XRCC1: variants seen among roughly 807,000 people sequenced by gnomAD.
XRCC1 encodes X-ray repair cross complementing 1.
Under a neutral mutation model 83.3 loss-of-function variants are expected in XRCC1, and 52 were observed. The observed-to-expected ratio is 0.62, with a 90% CI of 0.50 to 0.79. The LOEUF is 0.79. Among genes scored for constraint, XRCC1 ranks in the 30% least tolerant of loss-of-function variants. The pLI, the probability that XRCC1 is intolerant of heterozygous loss-of-function variation, is 0.00. For synonymous variants in XRCC1, 281 were observed against 312.6 expected (o/e 0.90, Z 1.07); for missense variants, 793 against 823.5 (o/e 0.96, Z 0.45).
chr19:43,568,286 C>A (rs996121944), intron 2 of XRCC1, among the ~76,000 whole-genome samples: 1 of 151,774 alleles, frequency 6.6e-6, no homozygotes, highest in African/African-American at 2.4e-5. Context: ...CACTTGAGGT[C>A]AGGAATTCAA....
intron 10 of XRCC1, among the ~76,000 whole-genome samples, chr19:43,548,550 T>G (rs376444689): frequency 6.6e-6 from 1 of 152,252 alleles, no homozygotes; most frequent in South Asian, 2.1e-4. Context: ...AAGATGTGCT[T>G]TGTTAAACAG....
chr19:43,564,890 C>G (rs556891612), intron 2 of XRCC1, among the ~76,000 whole-genome samples: 1 of 152,232 alleles, frequency 6.6e-6, no homozygotes, highest in South Asian at 2.1e-4. Flanking sequence ...TGCGGCAGGG[C>G]TGCATTCCTT....
At chr19:43,563,871 A>G (rs1972725981) in intron 2 of XRCC1, among the ~76,000 whole-genome samples, 2 of 152,086 alleles carry the variant, frequency 1.3e-5, no homozygotes, top group South Asian at 4.1e-4. Flanking sequence ...TTTGTCTAGC[A>G]TCTGTCTCTC....
At chr19:43,559,397 G>A (rs1338399713) in intron 3 of XRCC1, among the ~76,000 whole-genome samples, 9 of 145,676 alleles carry the variant, frequency 6.2e-5, no homozygotes, top group Non-Finnish European at 3.0e-5. Flanking sequence ...GCAGAATGGC[G>A]TGAACCCGGG....
intron 2 of XRCC1, 55 bp downstream of exon 2, chr19:43,574,855 C>T: frequency 6.7e-7 from 1 of 1,481,482 alleles, no homozygotes; most frequent in Non-Finnish European, 9.4e-7. Flanking sequence ...GGAGCAGAAT[C>T]TGGAACCCCG....
At position 43,575,020 on chromosome 19, in the gene XRCC1, A is replaced by C. The variant is rs1568520495; in HGVS notation, c.52-18T>G. 6.2e-7 allele frequency: 1 copy of C among 1,601,354 alleles called. No individual in the cohort carries two copies. The highest frequency in any genetic ancestry group is 1.7e-5 in the Admixed American group (1 of 59,958). On this transcript the variant is annotated intron_variant, in intron 1 of 16. Coordinates refer to ENST00000262887, the MANE Select transcript of XRCC1 (RefSeq NM_006297.3). ...CAGTGAGTCTGGAAACAACAGTGGG[A>C]GAGGAGAATTAGGGCACAGAGATGA...
intron 8 of XRCC1, 82 bp from the exon 9 acceptor site, chr19:43,552,357 G>A (rs1972587315): frequency 1.1e-5 from 12 of 1,071,366 alleles, no homozygotes; most frequent in South Asian, 1.5e-5. Context: ...CAGCAGTCCA[G>A]GCCCCAGACC....
chr19:43,561,033 A>G lies in XRCC1; in HGVS notation c.145-13T>C. 6.2e-7 allele frequency: 1 copy of G among 1,605,444 alleles called. No homozygotes were observed. The highest frequency in any genetic ancestry group is 1.1e-5 in the South Asian group (1 of 90,934). ...CCTCCTTCTCCAACTGTGGGCAGAGAGAGAGGCCACTGTCAGTGCCTGCTC... is the reference window on the plus strand; with the variant it reads ...CCTCCTTCTCCAACTGTGGGCAGAGGGAGAGGCCACTGTCAGTGCCTGCTC... On this transcript the variant is annotated splice_polypyrimidine_tract_variant and intron_variant, in intron 2 of 16. Coordinates refer to ENST00000262887, the MANE Select transcript of XRCC1 (RefSeq NM_006297.3).
intron 2 of XRCC1, among the ~76,000 whole-genome samples, chr19:43,564,907 G>A (rs752436361): frequency 2.6e-5 from 4 of 152,086 alleles, no homozygotes; most frequent in Non-Finnish European, 5.9e-5. Flanking sequence ...CCTTCCTTCC[G>A]GGAGCACTAG....
intron 2 of XRCC1, among the ~76,000 whole-genome samples, chr19:43,564,225 T>C (rs1416916813): frequency 6.6e-6 from 1 of 152,214 alleles, no homozygotes; most frequent in Admixed American, 6.5e-5. Flanking sequence ...CTCTACTGCA[T>C]TCCCAATGGA....
chr19:43,543,341 C>CTCGT lies in XRCC1; in HGVS notation c.*50_*51insACGA. ...ACCAACTCATCTTTATTAAATGCAT[C>CTCGT]GTGTGTGTGTGTGTGTGTGTGTGTG... On this transcript the variant is annotated 3_prime_UTR_variant, in exon 17 of 17. Transcript: ENST00000262887. The CTCGT allele has an allele frequency of 9.6e-7, 1 of 1,043,318 alleles. No individual in the cohort carries two copies. Among genetic ancestry groups the CTCGT allele is most frequent in the Non-Finnish European group, 1.4e-6 (1 of 699,876 alleles). 64.6% of individuals were successfully genotyped at this position (1,043,318 alleles called of 1,614,324 possible).
rs2146052460 is a variant in XRCC1 at position 43,553,449 on chromosome 19, G to C, written c.553C>G (p.Leu185Val). Residue 185 changes from leucine (L) to valine (V), a missense_variant, in exon 6 of 17, where the codon CTG becomes GTG. Coordinates refer to ENST00000262887, the MANE Select transcript of XRCC1 (RefSeq NM_006297.3). ...VKEEDESANS[L>V]RPGALFFSRI... ...CTGAAGAAGAGAGCCCCCGGCCTCA[G>C]AGAGTTGGCGCTCTCATCCTCCTCC... is the stretch of plus-strand genomic sequence containing the variant. 1.9e-6 allele frequency: 3 copies of C among 1,614,210 alleles called. No homozygotes were observed. The highest frequency in any genetic ancestry group is 2.5e-6 in the Non-Finnish European group (3 of 1,180,040).
In XRCC1 at chr19:43,543,463, A is replaced by G; in HGVS notation, c.1831T>C (p.Trp611Arg). 6.2e-7 allele frequency: 1 copy of G among 1,613,570 alleles called. No individual in the cohort carries two copies. The highest frequency in any genetic ancestry group is 1.1e-5 in the South Asian group (1 of 91,050). ...NPSLAFVRPR[W>R]IYSCNEKQKL... Reference sequence around the variant, plus strand: ...TGCTTCTCATTGCAACTGTAGATCCATCGGGGACGAACGAATGCCAGGGAG... The same window carrying G: ...TGCTTCTCATTGCAACTGTAGATCCGTCGGGGACGAACGAATGCCAGGGAG... Residue 611 changes from tryptophan to arginine, a missense_variant, in exon 17 of 17, where the codon TGG (tryptophan) becomes CGG (arginine). Transcript: ENST00000262887.
At chr19:43,569,424 T>G (rs1328034888) in intron 2 of XRCC1, among the ~76,000 whole-genome samples, 4 of 147,478 alleles carry the variant, frequency 2.7e-5, no homozygotes, top group African/African-American at 1.0e-4. Context: ...TGTAGTGAGC[T>G]GAGATGGTGC....
chr19:43,560,861 G>A (rs1344122721), intron 3 of XRCC1, 49 bp downstream of exon 3: 3 of 1,478,864 alleles, frequency 2.0e-6, no homozygotes, highest in Admixed American at 1.7e-5. Flanking sequence ...GGTGATGCGA[G>A]CATGAGGGGC....
At chr19:43,546,222 G>C in intron 12 of XRCC1, 116 bp from the exon 13 acceptor site, 2 of 1,213,782 alleles carry the variant, frequency 1.6e-6, no homozygotes, top group Non-Finnish European at 2.4e-6. Flanking sequence ...CTGCCCTCCA[G>C]ATCCAGTCGT....
At chr19:43,553,192 T>C in intron 6 of XRCC1, 101 bp from the exon 7 acceptor site, 1 of 1,326,730 alleles carries the variant, frequency 7.5e-7, no homozygotes, top group Non-Finnish European at 1.0e-6. Flanking sequence ...AACCCACCAG[T>C]GATCCAGGAG....
intron 2 of XRCC1, among the ~76,000 whole-genome samples, chr19:43,567,108 C>A (rs3213289): frequency 0.19 from 28,978 of 151,852 alleles, 2,854 homozygotes; most frequent in African/African-American, 0.21. Flanking sequence ...GTCCAGAATA[C>A]GCAAATCCAG....
chr19:43,562,145 C>CAAAAAA (rs1203247615), intron 2 of XRCC1, among the ~76,000 whole-genome samples: 1 of 42,200 alleles, frequency 2.4e-5, no homozygotes, highest in Non-Finnish European at 5.1e-5. Context: ...GACTCTGTCA[C>CAAAAAA]AAAAAAAAAA....
Sources: allele counts gnomAD v4.1 joint callset (sites outside exome capture counted in the v4.1 genomes callset), GRCh38; gene constraint gnomAD v4.1.1; transcripts MANE v1.5; gene names NCBI Gene and HGNC (gene_info 2026-07-23, HGNC 2026-07-21).